Variants in SRPK2 observed in about 807,000 individuals in gnomAD.
SRPK2 encodes the protein SRSF protein kinase 2.
SRPK2 carries 21 observed loss-of-function variants against 90.8 expected under a neutral mutation model. The ratio of observed to expected loss-of-function variants is 0.23; its 90% CI spans 0.16 to 0.33. The LOEUF is 0.33. Among genes scored for constraint, SRPK2 ranks in the 10% least tolerant of loss-of-function variants. The pLI is 1.00. For synonymous variants in SRPK2, 288 were observed against 311.1 expected, an observed-to-expected ratio of 0.93 and a Z score of 0.78; for missense variants, 620 against 869.0, an observed-to-expected ratio of 0.71 and a Z score of 3.60.
intron 2 of SRPK2, among the ~76,000 whole-genome samples, chr7:105,247,560 A>ACACACACG (rs1801873655): frequency 6.7e-6 from 1 of 149,612 alleles, no homozygotes; most frequent in African/African-American, 2.5e-5. Flanking sequence ...ACACACACAC[A>ACACACACG]CAGAAGTTAT....
intron 2 of SRPK2, among the ~76,000 whole-genome samples, chr7:105,248,912 C>T (rs1262293839): frequency 6.7e-6 from 1 of 148,530 alleles, no homozygotes; most frequent in South Asian, 2.1e-4. Flanking sequence ...GGTGACAGAC[C>T]GAAGCTCCAT....
At chr7:105,192,718 T>A (rs1794456650) in intron 3 of SRPK2, among the ~76,000 whole-genome samples, 1 of 152,186 alleles carries the variant, frequency 6.6e-6, no homozygotes, top group Admixed American at 6.5e-5. Flanking sequence ...TATTATTTTT[T>A]GATTTTTTGA....
At chr7:105,359,894 C>A (rs1818233404) in intron 2 of SRPK2, among the ~76,000 whole-genome samples, 1 of 152,108 alleles carries the variant, frequency 6.6e-6, no homozygotes, top group South Asian at 2.1e-4. Context: ...TCTATTAGGT[C>A]CGCTTGGTGC....
At chr7:105,279,839 A>G (rs748070567) in intron 2 of SRPK2, among the ~76,000 whole-genome samples, 1 of 152,210 alleles carries the variant, frequency 6.6e-6, no homozygotes, top group Non-Finnish European at 1.5e-5. Flanking sequence ...AGTAGACAGT[A>G]GAAGTAACAC....
intron 2 of SRPK2, among the ~76,000 whole-genome samples, chr7:105,291,345 A>G (rs1358501734): frequency 6.6e-6 from 1 of 152,194 alleles, no homozygotes; most frequent in Non-Finnish European, 1.5e-5. Flanking sequence ...TCCTTATTCT[A>G]AAGCCTAACT....
At chr7:105,386,692 G>A (rs1311079934) in intron 2 of SRPK2, among the ~76,000 whole-genome samples, 1 of 152,224 alleles carries the variant, frequency 6.6e-6, no homozygotes, top group Non-Finnish European at 1.5e-5. Flanking sequence ...ACTCCAGCCT[G>A]AGCGACAAGA....
At chr7:105,184,573 G>A (rs1474252045) in intron 3 of SRPK2, among the ~76,000 whole-genome samples, 4 of 152,088 alleles carry the variant, frequency 2.6e-5, no homozygotes, top group African/African-American at 9.7e-5. Context: ...GTCTATACAG[G>A]CCTCTTCCTT....
intron 2 of SRPK2, among the ~76,000 whole-genome samples, chr7:105,259,638 C>G (rs1192530242): frequency 1.3e-5 from 2 of 152,150 alleles, no homozygotes; most frequent in African/African-American, 4.8e-5. Flanking sequence ...TCAAACTATA[C>G]TACAAGGCTA....
At chr7:105,206,076 C>A in intron 2 of SRPK2, 1 of 506,622 alleles carries the variant, frequency 2.0e-6, no homozygotes, top group Non-Finnish European at 3.9e-6. Context: ...GTGGGGCTGT[C>A]GTGTGCACTG....
At chr7:105,305,937 T>C (rs993879147) in intron 2 of SRPK2, among the ~76,000 whole-genome samples, 2 of 152,154 alleles carry the variant, frequency 1.3e-5, no homozygotes, top group Non-Finnish European at 2.9e-5. Flanking sequence ...GTATAATAAA[T>C]AGGGGTTCTT....
chr7:105,242,961 G>A (rs1462507837), intron 2 of SRPK2, among the ~76,000 whole-genome samples: 15 of 152,190 alleles, frequency 9.9e-5, no homozygotes. Flanking sequence ...GGTAGAAGGT[G>A]AGGCCAGGGC....
chr7:105,337,970 T>C lies in SRPK2; in HGVS notation c.71+50678A>G, dbSNP rs971986260. On this transcript the variant is annotated intron_variant, in intron 2 of 15. Transcript: ENST00000393651. ...GAAAAAAAATGGAACAAAATCTTAA[T>C]GATTGTTAAATTTAGGTGCCAAGTA... Among the ~76,000 whole-genome samples, 9 of 151,952 alleles carry C rather than the reference T, an allele frequency of 5.9e-5. No homozygotes were observed. The South Asian group carries it at 8.3e-4, about 14-fold the overall frequency.
intron 2 of SRPK2, among the ~76,000 whole-genome samples, chr7:105,385,306 G>A (rs1393647892): frequency 2.1e-5 from 3 of 143,772 alleles, no homozygotes; most frequent in African/African-American, 5.2e-5. Context: ...TCAGCCTCCC[G>A]AGTAGCTGAG....
intron 6 of SRPK2, among the ~76,000 whole-genome samples, chr7:105,165,412 G>C (rs1279545534): frequency 1.3e-5 from 2 of 152,210 alleles, no homozygotes; most frequent in African/African-American, 4.8e-5. Flanking sequence ...CCTGGGTCGA[G>C]TGGGGACTTT....
intron 13 of SRPK2, among the ~76,000 whole-genome samples, chr7:105,128,594 C>CT (rs1175170567): frequency 6.6e-6 from 1 of 152,222 alleles, no homozygotes; most frequent in East Asian, 1.9e-4. Context: ...TCTGAAAACT[C>CT]TAATGGGACA....
At chr7:105,302,735 A>C (rs192100550) in intron 2 of SRPK2, among the ~76,000 whole-genome samples, 160 of 152,260 alleles carry the variant, frequency 1.1e-3, no homozygotes, top group Middle Eastern at 3.4e-3. Flanking sequence ...GATAGGTGGA[A>C]CAGGAGAATA....
At position 105,376,911 on chromosome 7, in the gene SRPK2, T is replaced by A. The variant is rs1454236699; in HGVS notation, c.71+11737A>T. Among the ~76,000 whole-genome samples the A allele has an allele frequency of 1.1e-4, 13 of 117,370 alleles. No homozygotes were observed. The South Asian group carries it at 1.2e-3, about 11-fold the overall frequency. 77.0% of individuals were successfully genotyped at this position (117,370 alleles called of 152,430 possible). On this transcript the variant is annotated intron_variant, in intron 2 of 15. Transcript: ENST00000393651. ...CACACACACACACACACACACACAC[T>A]AAAAAGCTTATTCAATAACTAATCT...
At chr7:105,284,323 C>G (rs1451900642) in intron 2 of SRPK2, among the ~76,000 whole-genome samples, 5 of 152,146 alleles carry the variant, frequency 3.3e-5, no homozygotes, top group Non-Finnish European at 7.3e-5. Context: ...ATGGTACATG[C>G]AAAGCTACAG....
At chr7:105,393,224 G>C (rs1226155805), upstream of SRPK2, among the ~76,000 whole-genome samples, 1 of 150,128 alleles carries the variant, frequency 6.7e-6, no homozygotes, top group African/African-American at 2.5e-5. Flanking sequence ...TCAAACTCCT[G>C]ACCTCAAGTG....
Sources: gnomAD v4.1 joint callset for allele counts (sites outside exome capture counted in the v4.1 genomes callset) on GRCh38, gnomAD v4.1.1 for gene constraint, MANE v1.5 for transcripts, NCBI Gene and HGNC (gene_info 2026-07-23, HGNC 2026-07-21) for gene names.